FLRT1: variants seen among roughly 807,000 people sequenced by gnomAD.
The protein encoded by FLRT1 is leucine-rich repeat transmembrane protein FLRT1.
FLRT1 carries 14 observed loss-of-function variants against 30.9 expected under a neutral mutation model. The ratio of observed to expected loss-of-function variants is 0.45; its 90% CI spans 0.30 to 0.71. The LOEUF (loss-of-function observed/expected upper bound fraction) is 0.71, where lower values mean the gene tolerates loss of function less well. FLRT1 is among the 30% of genes least tolerant of loss of function. FLRT1 has a pLI of 0.08. For synonymous variants in FLRT1, 368 were observed against 430.4 expected (o/e 0.85, Z 1.80); for missense variants, 737 against 949.2 (o/e 0.78, Z 2.94).
intron 1 of FLRT1, among the ~76,000 whole-genome samples, chr11:64,040,149 G>A (rs1005829792): frequency 1.3e-5 from 2 of 152,248 alleles, no homozygotes; most frequent in African/African-American, 4.8e-5. Flanking sequence ...CCCTCAGGGC[G>A]CTTCCAGTCA....
chr11:64,088,604 C>G (rs1477971589), intron 1 of FLRT1, among the ~76,000 whole-genome samples: 2 of 151,986 alleles, frequency 1.3e-5, no homozygotes, highest in African/African-American at 2.4e-5. Flanking sequence ...TCCTCCTCCC[C>G]GGGTTTTGTT....
At chr11:64,109,344 C>A (rs1944819731) in intron 2 of FLRT1, among the ~76,000 whole-genome samples, 1 of 152,132 alleles carries the variant, frequency 6.6e-6, no homozygotes, top group Non-Finnish European at 1.5e-5. Context: ...AAAGGCTTTG[C>A]AGTTGGGTGT....
chr11:64,062,125 T>C (rs1238484420), intron 1 of FLRT1, among the ~76,000 whole-genome samples: 2 of 151,962 alleles, frequency 1.3e-5, no homozygotes, highest in Non-Finnish European at 2.9e-5. Flanking sequence ...GCCCCTCTCC[T>C]CCGCAAGGCC....
chr11:64,095,050 C>A (rs766341517), intron 1 of FLRT1, among the ~76,000 whole-genome samples: 18 of 152,122 alleles, frequency 1.2e-4, no homozygotes, highest in Non-Finnish European at 2.2e-4. Flanking sequence ...CTGCTTCTCT[C>A]CTTAAGGCAG....
intron 1 of FLRT1, among the ~76,000 whole-genome samples, chr11:64,100,986 T>A (rs2134557150): frequency 6.6e-6 from 1 of 152,250 alleles, no homozygotes; most frequent in South Asian, 2.1e-4. Flanking sequence ...GGTGCATTTA[T>A]TAAGCACCAA....
At chr11:64,069,754 A>G (rs1273818494) in intron 1 of FLRT1, among the ~76,000 whole-genome samples, 1 of 152,184 alleles carries the variant, frequency 6.6e-6, no homozygotes, top group East Asian at 1.9e-4. Flanking sequence ...TGTCACCTAA[A>G]TGCTTCGCCA....
chr11:64,073,285 G>A (rs954390692), intron 1 of FLRT1, among the ~76,000 whole-genome samples: 4 of 152,170 alleles, frequency 2.6e-5, no homozygotes, highest in Non-Finnish European at 4.4e-5. Context: ...GTGATCAACC[G>A]GCTGTCACTT....
At chr11:64,063,064 C>T (rs975074713) in intron 1 of FLRT1, among the ~76,000 whole-genome samples, 8 of 152,202 alleles carry the variant, frequency 5.3e-5, no homozygotes, top group African/African-American at 7.2e-5. Flanking sequence ...TGCCTGGTGA[C>T]AGTCGTTCTA....
intron 1 of FLRT1, among the ~76,000 whole-genome samples, chr11:64,057,214 G>C (rs1051694134): frequency 6.6e-6 from 1 of 152,242 alleles, no homozygotes; most frequent in African/African-American, 2.4e-5. Flanking sequence ...GCAGCCTCTG[G>C]GACCAGCTTG....
At chr11:64,104,967 A>G (rs919434393) in intron 2 of FLRT1, among the ~76,000 whole-genome samples, 1 of 151,974 alleles carries the variant, frequency 6.6e-6, no homozygotes, top group Non-Finnish European at 1.5e-5. Flanking sequence ...GGAAGCCCCA[A>G]TTCATTACCA....
At chr11:64,050,829 G>A (rs1259038398) in intron 1 of FLRT1, among the ~76,000 whole-genome samples, 1 of 152,252 alleles carries the variant, frequency 6.6e-6, no homozygotes, top group African/African-American at 2.4e-5. Context: ...ATGTTGGCCA[G>A]GCTGGTCTCG....
At position 64,116,396 on chromosome 11, in the gene FLRT1, C is replaced by G. The variant is rs1944982032; in HGVS notation, c.129C>G (p.Ala43=). 1 of 1,613,898 alleles carries G rather than the reference C, an allele frequency of 6.2e-7. No individual in the cohort carries two copies. Among genetic ancestry groups the G allele is most frequent in the African/African-American group, 1.3e-5 (1 of 74,938 alleles). ...TGTTCCTCTGCTACGGGCTCATCGC[C>G]TTCCTGACGGAGGTCATCGACAGCA... The part of the protein sequence containing the change: ...DWLFLCYGLI[A]FLTEVIDSTT... Residue 43 remains alanine, a synonymous_variant, in exon 3 of 3, where the codon GCC becomes GCG. Coordinates refer to ENST00000682287, the MANE Select transcript of FLRT1 (RefSeq NM_013280.5).
intron 1 of FLRT1, among the ~76,000 whole-genome samples, chr11:64,037,067 C>A (rs1329461620): frequency 6.6e-6 from 1 of 151,718 alleles, no homozygotes; most frequent in Non-Finnish European, 1.5e-5. Context: ...GAGAATACAG[C>A]CCAGCTGGGG....
In FLRT1 at chr11:64,036,778, G is replaced by A. The variant is rs1240345733; in HGVS notation, c.-1038+619G>A. ...CCGTACACCTGGCGGCTGGAACGGT[G>A]AGACCATGGTGCCTGGGCGGGGGGC... On this transcript the variant is annotated intron_variant, in intron 1 of 2. Transcript: ENST00000682287. This position sits in a 1 kb window ranked among gnomAD's most constrained non-coding sequence, Gnocchi z 5.6. Among the ~76,000 whole-genome samples, 1 of 152,198 alleles carries A rather than the reference G, an allele frequency of 6.6e-6. No individual in the cohort carries two copies. The highest frequency in any genetic ancestry group is 1.5e-5 in the Non-Finnish European group (1 of 68,016).
At chr11:64,050,980 T>G (rs1280062450) in intron 1 of FLRT1, among the ~76,000 whole-genome samples, 1 of 152,228 alleles carries the variant, frequency 6.6e-6, no homozygotes, top group Non-Finnish European at 1.5e-5. Context: ...GCCTGTCCCC[T>G]GAGCCCCACT....
rs61724501 is a variant in FLRT1 at position 64,114,055 on chromosome 11, CATGGATGG to C, written c.-49-2130_-49-2123del. 7.3e-4 allele frequency among the ~76,000 whole-genome samples: 72 copies of C among 98,116 alleles called. No individual in the cohort carries two copies. In the Middle Eastern group the frequency reaches 0.034, roughly 46 times the overall value. The allele number at this position is 98,116 out of a possible 152,430, so 64.4% of individuals were successfully genotyped here. A position where few individuals can be genotyped will look rare whatever the true frequency, so the allele number is the denominator to read the frequency against. ...GGACAGGTGGATGCATGGGTTGATG[CATGGATGG>C]ATGGATGGATGGATGGATGGATGGA... On this transcript the variant is annotated intron_variant, in intron 2 of 2. Coordinates refer to ENST00000682287, the MANE Select transcript of FLRT1 (RefSeq NM_013280.5).
intron 1 of FLRT1, among the ~76,000 whole-genome samples, chr11:64,078,341 C>G (rs1322754095): frequency 6.6e-6 from 1 of 152,262 alleles, no homozygotes; most frequent in Admixed American, 6.5e-5. Flanking sequence ...GCCTCCCCTC[C>G]CAGTCCCTGG....
At chr11:64,037,542 C>T (rs1307865499) in intron 1 of FLRT1, among the ~76,000 whole-genome samples, 1 of 152,084 alleles carries the variant, frequency 6.6e-6, no homozygotes, top group Admixed American at 6.5e-5. Context: ...TGGGAGGGGA[C>T]GCTGCCTAGC....
chr11:64,087,254 C>T (rs1346444746), intron 1 of FLRT1: 1 of 152,296 alleles, frequency 6.6e-6, no homozygotes, highest in Admixed American at 6.5e-5. Context: ...GGCCCCTGCC[C>T]CAGTTCCATG....
Sources: allele counts gnomAD v4.1 joint callset (sites outside exome capture counted in the v4.1 genomes callset), GRCh38; gene constraint gnomAD v4.1.1; non-coding constraint Gnocchi (gnomAD v3.1); transcripts MANE v1.5; gene names NCBI Gene and HGNC (gene_info 2026-07-23, HGNC 2026-07-21).